The following KCNH5 variants were observed in gnomAD, a reference collection of about 807,000 sequenced individuals.
KCNH5 encodes the protein voltage-gated delayed rectifier potassium channel KCNH5.
Under a neutral mutation model 96.1 loss-of-function variants are expected in KCNH5, and 46 were observed. The observed-to-expected ratio is 0.48, with a 90% CI of 0.38 to 0.61. The LOEUF is 0.61. Ranked by LOEUF, KCNH5 falls within the 20% of genes least tolerant of loss-of-function variation. KCNH5 has a pLI of 0.00. For synonymous variants in KCNH5, 439 were observed against 449.8 expected (o/e 0.98, Z 0.30); for missense variants, 907 against 1,225.8 (o/e 0.74, Z 3.88).
Position 62,924,198 on chromosome 14 carries a change from G to A in KCNH5, c.1369+25935C>T, listed in dbSNP as rs372933556. 3.7e-4 allele frequency among the ~76,000 whole-genome samples: 56 copies of A among 151,990 alleles called. 3 individuals are homozygous for A. The South Asian group carries it at 7.7e-3, about 21-fold the overall frequency. On this transcript the variant is annotated intron_variant, in intron 7 of 10. Coordinates refer to ENST00000322893, the MANE Select transcript of KCNH5 (RefSeq NM_139318.5). ...ATTTCTAAAAAGAAGACATACGAAT[G>A]GCCAAGAAGCATATGAGAAGGTACT...
chr14:62,923,366 GAATT>G (rs1282427320), intron 7 of KCNH5, among the ~76,000 whole-genome samples: 2 of 151,842 alleles, frequency 1.3e-5, no homozygotes, highest in Non-Finnish European at 1.5e-5. Flanking sequence ...CAGATTGAAA[GAATT>G]AATATTGTCA....
intron 1 of KCNH5, among the ~76,000 whole-genome samples, chr14:63,044,498 C>G (rs1891885022): frequency 6.6e-6 from 1 of 152,146 alleles, no homozygotes; most frequent in Admixed American, 6.5e-5. Context: ...GATGAATGTA[C>G]AGTGAAAAAC....
chr14:62,759,061 CT>C lies in KCNH5; in HGVS notation c.2019+20666del, dbSNP rs1246144145. On this transcript the variant is annotated intron_variant, in intron 10 of 10. Transcript: ENST00000322893. ...AATTTTTAGTTCTGAGAACAAAAGT[CT>C]TTATAACTCAATAGAGGAATACCTT... is the stretch of plus-strand genomic sequence containing the variant. Among the ~76,000 whole-genome samples, 3 of 152,006 alleles carry C rather than the reference CT, an allele frequency of 2.0e-5. No homozygotes were observed. In the South Asian group the frequency reaches 6.2e-4, roughly 31 times the overall value.
At chr14:62,949,743 G>A in intron 7 of KCNH5, 1 of 172,666 alleles carries the variant, frequency 5.8e-6, no homozygotes, top group South Asian at 1.2e-4. Context: ...TTTAATTTAG[G>A]AATTCAGTAT....
chr14:62,718,902 G>A (rs1183669592), intron 10 of KCNH5, among the ~76,000 whole-genome samples: 1 of 152,170 alleles, frequency 6.6e-6, no homozygotes, highest in East Asian at 1.9e-4. Context: ...GACACATAAT[G>A]CAATGTAGAG....
At chr14:62,710,589 T>C (rs935533803) in intron 10 of KCNH5, among the ~76,000 whole-genome samples, 16 of 152,218 alleles carry the variant, frequency 1.1e-4, no homozygotes, top group African/African-American at 3.1e-4. Context: ...AGGCCTAATA[T>C]GAATGATTTT....
At chr14:62,867,999 C>T (rs1255016558) in intron 7 of KCNH5, among the ~76,000 whole-genome samples, 4 of 152,232 alleles carry the variant, frequency 2.6e-5, no homozygotes, top group Non-Finnish European at 5.9e-5. Context: ...GTCTGTATAA[C>T]CTGACGCTCT....
intron 7 of KCNH5, among the ~76,000 whole-genome samples, chr14:62,873,137 G>C (rs1473129146): frequency 7.2e-6 from 1 of 138,646 alleles, no homozygotes; most frequent in South Asian, 2.8e-4. Context: ...GCGACAGAAC[G>C]AGACTCTGAC....
intron 4 of KCNH5, among the ~76,000 whole-genome samples, chr14:63,000,154 G>T (rs975932010): frequency 6.6e-6 from 1 of 152,096 alleles, no homozygotes; most frequent in African/African-American, 2.4e-5. Context: ...CCTATGCAAG[G>T]AATAAACTTA....
At position 62,704,480 on chromosome 14, in the gene KCNH5, C is replaced by T. The variant is rs374304432; in HGVS notation, c.*3028G>A. ...CATTTAGTGCAACAATATCCTGATA[C>T]AGACTGATAAAACCTGCCATTATGA... is the stretch of plus-strand genomic sequence containing the variant. On this transcript the variant is annotated 3_prime_UTR_variant, in exon 11 of 11. Transcript: ENST00000322893. 1.6e-4 allele frequency: 24 copies of T among 151,976 alleles called. No individual in the cohort carries two copies. Among genetic ancestry groups the T allele is most frequent in the African/African-American group, 5.3e-4 (22 of 41,536 alleles). 9.4% of individuals were successfully genotyped at this position (151,976 alleles called of 1,614,324 possible). A position where few individuals can be genotyped will look rare whatever the true frequency, so the allele number is the denominator to read the frequency against.
intron 9 of KCNH5, among the ~76,000 whole-genome samples, chr14:62,782,721 G>A (rs1886245351): frequency 6.6e-6 from 1 of 152,162 alleles, no homozygotes; most frequent in Admixed American, 6.6e-5. Context: ...TGAGGCAGGA[G>A]AATGGCGTGA....
At chr14:62,978,695 A>T (rs2139565707) in intron 6 of KCNH5, among the ~76,000 whole-genome samples, 1 of 152,004 alleles carries the variant, frequency 6.6e-6, no homozygotes, top group East Asian at 1.9e-4. Flanking sequence ...CATAATTATA[A>T]ATGTATAAAT....
chr14:62,807,837 A>G (rs538991310), intron 8 of KCNH5, among the ~76,000 whole-genome samples: 42 of 152,304 alleles, frequency 2.8e-4, no homozygotes, highest in African/African-American at 1.0e-3. Flanking sequence ...GATTTGTTAA[A>G]GGGAATTTAT....
At chr14:62,919,597 T>C (rs1889342103) in intron 7 of KCNH5, among the ~76,000 whole-genome samples, 2 of 152,256 alleles carry the variant, frequency 1.3e-5, no homozygotes, top group Middle Eastern at 6.8e-3. Context: ...AAAATATGGG[T>C]AATAATAACA....
At chr14:63,025,676 C>T (rs1891511495) in intron 1 of KCNH5, among the ~76,000 whole-genome samples, 1 of 148,340 alleles carries the variant, frequency 6.7e-6, no homozygotes, top group African/African-American at 2.5e-5. Flanking sequence ...AAGATCTATA[C>T]ACTGGAAATT....
At chr14:63,003,987 C>G (rs998438848) in intron 3 of KCNH5, among the ~76,000 whole-genome samples, 1 of 152,102 alleles carries the variant, frequency 6.6e-6, no homozygotes, top group African/African-American at 2.4e-5. Flanking sequence ...CCCTGCTAAT[C>G]AGAGCACTGG....
intron 1 of KCNH5, among the ~76,000 whole-genome samples, chr14:63,034,694 C>G (rs1428055178): frequency 6.6e-6 from 1 of 152,190 alleles, no homozygotes; most frequent in East Asian, 1.9e-4. Flanking sequence ...CCTTCACGAT[C>G]AAAGGTACAT....
intron 1 of KCNH5, among the ~76,000 whole-genome samples, chr14:63,027,396 T>C (rs1204417567): frequency 6.6e-6 from 1 of 151,814 alleles, no homozygotes; most frequent in Non-Finnish European, 1.5e-5. Flanking sequence ...ATGAAATAGC[T>C]TGACTTAGCC....
chr14:62,855,633 G>A (rs1449711905), intron 7 of KCNH5, among the ~76,000 whole-genome samples: 1 of 152,100 alleles, frequency 6.6e-6, no homozygotes, highest in East Asian at 1.9e-4. Context: ...GGAGGAAGAG[G>A]GTAGTGAGTC....
Sources: gnomAD v4.1 joint callset for allele counts (sites outside exome capture counted in the v4.1 genomes callset) on GRCh38, gnomAD v4.1.1 for gene constraint, MANE v1.5 for transcripts, NCBI Gene and HGNC (gene_info 2026-07-23, HGNC 2026-07-21) for gene names.